Variants in DNAH9 observed in about 807,000 individuals in gnomAD.
DNAH9 encodes dynein axonemal heavy chain 9, also known as DNAH9 variant protein.
DNAH9 carries 345 observed loss-of-function variants against 471.6 expected under a neutral mutation model. That is an observed-to-expected ratio of 0.73 (90% CI 0.67 to 0.80). The LOEUF (loss-of-function observed/expected upper bound fraction) is 0.80. Ranked by LOEUF, DNAH9 falls within the 30% of genes least tolerant of loss-of-function variation. DNAH9 has a pLI of 0.00. For synonymous variants in DNAH9, 2,093 were observed against 2,123.6 expected (o/e 0.99, Z 0.40); for missense variants, 5,407 against 5,609.2 (o/e 0.96, Z 1.15).
chr17:11,694,069 C>A, intron 21 of DNAH9, 71 bp downstream of exon 21: 2 of 1,573,226 alleles, frequency 1.3e-6, no homozygotes, highest in South Asian at 1.1e-5. Context: ...TCTCTGAGAC[C>A]AGTGGGCAGA....
At chr17:11,722,479 C>T (rs2075076975) in intron 27 of DNAH9, among the ~76,000 whole-genome samples, 1 of 152,118 alleles carries the variant, frequency 6.6e-6, no homozygotes. Context: ...TGGTAGTAGA[C>T]ATGGAAAAGC....
intron 34 of DNAH9, 124 bp from the exon 35 acceptor site, chr17:11,757,421 A>G: frequency 1.1e-6 from 1 of 921,430 alleles, no homozygotes; most frequent in South Asian, 1.8e-5. Context: ...ATCTTGGCCA[A>G]ATCTCCTTTT....
rs984909814 is a variant in DNAH9, at chr17:11,752,738, C to T, written c.6611-95C>T. ...GCCTTTGCATGTTCCATGTACGCCC[C>T]CTTCTGTGTGTTGTAGCTAAAGGGG... On this transcript the variant is annotated intron_variant, in intron 32 of 68. Coordinates refer to ENST00000262442, the MANE Select transcript of DNAH9 (RefSeq NM_001372.4). 6.1e-6 allele frequency: 6 copies of T among 980,574 alleles called. No homozygotes were observed. In the African/African-American group the frequency reaches 9.9e-5, roughly 16 times the overall value. The allele number at this position is 980,574 out of a possible 1,614,324, so 60.7% of individuals were successfully genotyped here. A position where few individuals can be genotyped will look rare whatever the true frequency, so the allele number is the denominator to read the frequency against.
At chr17:11,847,974 G>C (rs532275940) in intron 49 of DNAH9, among the ~76,000 whole-genome samples, 2 of 151,864 alleles carry the variant, frequency 1.3e-5, no homozygotes, top group Non-Finnish European at 2.9e-5. Flanking sequence ...AGGGCTCTCT[G>C]TCTCTGTCTC....
At chr17:11,954,782 AAAAAAAGAG>A (rs1443533415) in intron 67 of DNAH9, among the ~76,000 whole-genome samples, 2 of 145,400 alleles carry the variant, frequency 1.4e-5, no homozygotes, top group East Asian at 4.1e-4. Flanking sequence ...AAAAAAAAAA[AAAAAAAGAG>A]AGAGAAAGAA....
rs1388318429 is a variant in DNAH9, at chr17:11,807,016, A to G, written c.8421-716A>G. On this transcript the variant is annotated intron_variant, in intron 43 of 68. Transcript: ENST00000262442. ...TCCTCTGAAGAAGATGAGGTCTGGA[A>G]TAGTCTTCCATTGCAAGGAAGGGGG... Among the ~76,000 whole-genome samples the G allele has an allele frequency of 5.3e-4, 81 of 152,154 alleles. 1 individual carries two copies. Among genetic ancestry groups the G allele is most frequent in the Admixed American group, 5.2e-3 (80 of 15,276 alleles).
chr17:11,933,922 T>C lies in DNAH9; in HGVS notation c.12340T>C (p.Tyr4114His), dbSNP rs777922303. ...DLRYLFGEIM[Y>H]GGHITDDWDR... ...GCGCTACCTGTTTGGAGAGATCATG[T>C]ATGGAGGCCATATCACAGATGACTG... Residue 4114 changes from tyrosine to histidine, a missense_variant, in exon 65 of 69, where the codon TAT (tyrosine) becomes CAT (histidine). Physicochemically the swap from Tyr to His is moderately conservative, Grantham distance 83. Coordinates refer to ENST00000262442, the MANE Select transcript of DNAH9 (RefSeq NM_001372.4). The C allele has an allele frequency of 3.7e-6, 6 of 1,614,046 alleles. No homozygotes were observed. The African/African-American group carries it at 6.7e-5, about 18-fold the overall frequency.
At chr17:11,734,963 A>G (rs2075322147) in intron 28 of DNAH9, among the ~76,000 whole-genome samples, 1 of 152,188 alleles carries the variant, frequency 6.6e-6, no homozygotes, top group Non-Finnish European at 1.5e-5. Flanking sequence ...TTCAGCGTGC[A>G]TCAGAATCAC....
chr17:11,834,545 C>T, intron 48 of DNAH9, 93 bp from the exon 49 acceptor site: 2 of 1,480,594 alleles, frequency 1.4e-6, no homozygotes, highest in Non-Finnish European at 1.8e-6. Flanking sequence ...AGAGTTGGGT[C>T]CTCAGGTCAT....
intron 48 of DNAH9, 85 bp from the exon 49 acceptor site, chr17:11,834,553 C>A: frequency 1.3e-6 from 2 of 1,535,436 alleles, no homozygotes; most frequent in South Asian, 1.2e-5. Flanking sequence ...GTCCTCAGGT[C>A]ATGCCCAACA....
chr17:11,917,858 C>T (rs1974006377), intron 61 of DNAH9, among the ~76,000 whole-genome samples: 2 of 152,102 alleles, frequency 1.3e-5, no homozygotes, highest in Admixed American at 1.3e-4. Context: ...CTCCTTGGCC[C>T]TCCCCTTCTT....
intron 51 of DNAH9, 24 bp downstream of exon 51, chr17:11,869,277 G>A (rs140362030): frequency 1.9e-5 from 31 of 1,610,178 alleles, no homozygotes; most frequent in Admixed American, 1.0e-4. Flanking sequence ...ACAGCAGCCC[G>A]AGCTGTAATT....
Position 11,912,771 on chromosome 17 carries a change from C to A in DNAH9, c.11749+6962C>A, listed in dbSNP as rs142109983. Among the ~76,000 whole-genome samples, 5 of 152,186 alleles carry A rather than the reference C, an allele frequency of 3.3e-5. No individual in the cohort carries two copies. The East Asian group carries it at 9.6e-4, about 29-fold the overall frequency. Reference sequence around the variant, plus strand: ...ACAAGGTATATTGACCTGTTGTTTTCTTTCTTTGCAATGTCCTTGTCTGTT... The same window carrying A: ...ACAAGGTATATTGACCTGTTGTTTTATTTCTTTGCAATGTCCTTGTCTGTT... On this transcript the variant is annotated intron_variant, in intron 61 of 68. Transcript: ENST00000262442.
chr17:11,693,909 G>A lies in DNAH9; in HGVS notation c.4656G>A (p.Glu1552=). ...RFEGIDIDFK[E]LAYDAQKIPN... ...AAGGCATCGACATTGACTTTAAAGA[G>A]CTAGCTTATGATGCCCAGAAAATTC... Residue 1552 remains glutamate, a synonymous_variant, in exon 21 of 69, where the codon GAG becomes GAA. Transcript: ENST00000262442. 6.2e-7 allele frequency: 1 copy of A among 1,614,102 alleles called. No homozygotes were observed. Among genetic ancestry groups the A allele is most frequent in the Non-Finnish European group, 8.5e-7 (1 of 1,179,984 alleles).
chr17:11,685,659 G>A (rs1197315999), intron 19 of DNAH9, among the ~76,000 whole-genome samples: 1 of 152,138 alleles, frequency 6.6e-6, no homozygotes, highest in African/African-American at 2.4e-5. Context: ...GAATGTGGGA[G>A]ATGGAGGAGA....
intron 39 of DNAH9, among the ~76,000 whole-genome samples, chr17:11,783,309 CTT>C (rs1968737493): frequency 1.3e-5 from 2 of 152,192 alleles, no homozygotes; most frequent in African/African-American, 4.8e-5. Context: ...AAGTCACTAC[CTT>C]TGTTATTCTC....
At chr17:11,946,670 A>G (rs1055924914) in intron 67 of DNAH9, among the ~76,000 whole-genome samples, 21 of 151,488 alleles carry the variant, frequency 1.4e-4, no homozygotes, top group African/African-American at 5.1e-4. Context: ...TCTCAAAAAA[A>G]AAAAAAAAAA....
chr17:11,965,865 T>A (rs1976664946), intron 68 of DNAH9, among the ~76,000 whole-genome samples: 2 of 152,000 alleles, frequency 1.3e-5, no homozygotes, highest in South Asian at 4.2e-4. Flanking sequence ...AATAGCAGAA[T>A]TGAATAAGCA....
chr17:11,775,389 CA>C (rs1274630045), intron 38 of DNAH9, among the ~76,000 whole-genome samples: 1 of 151,922 alleles, frequency 6.6e-6, no homozygotes, highest in African/African-American at 2.4e-5. Context: ...AAAAAAACAA[CA>C]AAAGCAAACC....
Sources: allele counts gnomAD v4.1 joint callset (sites outside exome capture counted in the v4.1 genomes callset), GRCh38; gene constraint gnomAD v4.1.1; transcripts MANE v1.5; gene names NCBI Gene and HGNC (gene_info 2026-07-23, HGNC 2026-07-21).